The following FGD5 variants were observed in gnomAD, a reference collection of about 807,000 sequenced individuals.
The protein encoded by FGD5 is FYVE, RhoGEF and PH domain-containing protein 5.
A neutral mutation model predicts 133.4 loss-of-function variants in FGD5; 28 were observed. That is an observed-to-expected ratio of 0.21 (90% CI 0.16 to 0.29). The LOEUF (loss-of-function observed/expected upper bound fraction) is 0.29, where lower values mean the gene tolerates loss of function less well. FGD5 is among the 10% of genes least tolerant of loss of function. The pLI is 1.00. For synonymous variants in FGD5, 810 were observed against 776.5 expected (o/e 1.04, Z -0.72); for missense variants, 1,858 against 1,895.2 (o/e 0.98, Z 0.36).
At chr3:14,894,836 A>C (rs970627216) in intron 4 of FGD5, among the ~76,000 whole-genome samples, 1 of 152,084 alleles carries the variant, frequency 6.6e-6, no homozygotes, top group Non-Finnish European at 1.5e-5. Context: ...TCTCACTGAC[A>C]AGAGTTCCCC....
intron 2 of FGD5, among the ~76,000 whole-genome samples, chr3:14,867,958 T>C (rs1462938403): frequency 6.6e-6 from 1 of 151,730 alleles, no homozygotes; most frequent in Admixed American, 6.6e-5. Context: ...CCTTCCTGGA[T>C]GTTTTGGAGC....
At chr3:14,871,607 A>G (rs2037608062) in intron 2 of FGD5, among the ~76,000 whole-genome samples, 1 of 152,150 alleles carries the variant, frequency 6.6e-6, no homozygotes, top group African/African-American at 2.4e-5. Context: ...AGGCAGACAC[A>G]ACTCAGAGGG....
intron 4 of FGD5, among the ~76,000 whole-genome samples, chr3:14,890,713 G>T (rs982207903): frequency 5.3e-5 from 8 of 152,140 alleles, no homozygotes; most frequent in Admixed American, 3.3e-4. Flanking sequence ...CTGCCCATTG[G>T]GACTGAGTCG....
chr3:14,856,732 A>G (rs1413360466), intron 1 of FGD5, among the ~76,000 whole-genome samples: 1 of 151,980 alleles, frequency 6.6e-6, no homozygotes, highest in Non-Finnish European at 1.5e-5. Flanking sequence ...TTATATATTG[A>G]TTATGTATCC....
At chr3:14,903,317 A>C (rs1276810458) in intron 9 of FGD5, among the ~76,000 whole-genome samples, 3 of 152,164 alleles carry the variant, frequency 2.0e-5, no homozygotes, top group Non-Finnish European at 4.4e-5. Flanking sequence ...GAGAGTCCCC[A>C]TGTGTCCCCC....
intron 1 of FGD5, among the ~76,000 whole-genome samples, chr3:14,846,583 C>T (rs150132147): frequency 1.6e-4 from 24 of 152,358 alleles, no homozygotes; most frequent in Non-Finnish European, 3.1e-4. Flanking sequence ...ACCCCAGGTC[C>T]ACGGGGGAGT....
intron 1 of FGD5, 143 bp from the exon 2 acceptor site, chr3:14,863,985 C>A: frequency 8.4e-7 from 1 of 1,190,638 alleles, no homozygotes. Flanking sequence ...GCCAGTGTGG[C>A]TGGGGGTGGG....
At chr3:14,818,959 C>G, upstream of FGD5, 1 of 1,445,104 alleles carries the variant, frequency 6.9e-7, no homozygotes, top group Non-Finnish European at 9.1e-7. Flanking sequence ...CATCTAGATT[C>G]ACCAAAACCA....
chr3:14,844,204 T>TAAAAAAAAAA lies in FGD5; in HGVS notation c.2526-19919_2526-19910dup, dbSNP rs1168327274. On this transcript the variant is annotated intron_variant, in intron 1 of 19. Coordinates refer to ENST00000285046, the MANE Select transcript of FGD5 (RefSeq NM_152536.4). ...ACATTTCTCACATCTTAATAGGCAT[T>TAAAAAAAAAA]AAAAAAAAAAAAAATATATATATAT... 1.6e-3 allele frequency among the ~76,000 whole-genome samples: 27 copies of TAAAAAAAAAA among 17,210 alleles called. 4 individuals carry two copies. Among genetic ancestry groups the TAAAAAAAAAA allele is most frequent in the Non-Finnish European group, 2.2e-3 (21 of 9,660 alleles). The allele number at this position is 17,210 out of a possible 152,430, so 11.3% of individuals were successfully genotyped here.
chr3:14,848,136 G>A (rs2037086906), intron 1 of FGD5, among the ~76,000 whole-genome samples: 1 of 152,178 alleles, frequency 6.6e-6, no homozygotes, highest in Admixed American at 6.5e-5. Flanking sequence ...GGGTGGAGGA[G>A]GGGCAGCCAG....
At chr3:14,923,373 CAGA>C (rs1387869534) in intron 16 of FGD5, 198 bp downstream of exon 16, 1 of 707,652 alleles carries the variant, frequency 1.4e-6, no homozygotes, top group Non-Finnish European at 2.3e-6. Context: ...TCGGTGTCCC[CAGA>C]AGAAGAGCTC....
rs749939028 is a variant in FGD5 at position 14,923,088 on chromosome 3, T to A, written c.3850T>A (p.Tyr1284Asn). The A allele has an allele frequency of 1.9e-6, 3 of 1,613,734 alleles. No homozygotes were observed. The highest frequency in any genetic ancestry group is 2.5e-6 in the Non-Finnish European group (3 of 1,179,866). Residue 1284 changes from tyrosine (Y) to asparagine (N), a missense_variant, in exon 16 of 20, where the codon TAC becomes AAC. Physicochemically the swap from Tyr to Asn is moderately radical, Grantham distance 143. Coordinates refer to ENST00000285046, the MANE Select transcript of FGD5 (RefSeq NM_152536.4). ...NCSRNKYPLK[Y>N]LKDRMAKVCD... ...TTCGCGGAACAAGTACCCGCTGAAG[T>A]ACCTGAAGGACAGGATGGCCAAGGT...
chr3:14,882,342 A>G, intron 4 of FGD5: 2 of 985,216 alleles, frequency 2.0e-6, no homozygotes, highest in Non-Finnish European at 2.4e-6. Flanking sequence ...TTGGAAAGAC[A>G]TTGAAGCCCC....
chr3:14,812,799 G>A (rs924559447), intron 1 of FGD5, among the ~76,000 whole-genome samples: 1 of 152,190 alleles, frequency 6.6e-6, no homozygotes, highest in African/African-American at 2.4e-5. Flanking sequence ...AGATTAAATA[G>A]ACTAAAACAC....
intron 4 of FGD5, among the ~76,000 whole-genome samples, chr3:14,887,334 T>C (rs1229556857): frequency 2.0e-5 from 3 of 151,784 alleles, no homozygotes; most frequent in African/African-American, 4.8e-5. Context: ...AGTGAATGAG[T>C]GATGGTGGAG....
intron 1 of FGD5, among the ~76,000 whole-genome samples, chr3:14,829,980 C>T (rs749562989): frequency 6.6e-6 from 1 of 152,204 alleles, no homozygotes; most frequent in Non-Finnish European, 1.5e-5. Flanking sequence ...TGATTTACAG[C>T]CTCAGCTATC....
At chr3:14,815,696 C>T (rs556756623), upstream of FGD5, among the ~76,000 whole-genome samples, 24 of 152,288 alleles carry the variant, frequency 1.6e-4, no homozygotes, top group Admixed American at 1.4e-3. Context: ...TTCTGGTCAC[C>T]GTGGCCTTAG....
In FGD5 at chr3:14,819,353, C is replaced by G. The variant is rs765102954; in HGVS notation, c.282C>G (p.Ser94=). ...ACAAAGCCCTGGTGTCTCCCGAGTC[C>G]TCTGCGGAAGAGGAAGAGGAGCGTG... ...VGNKALVSPE[S]SAEEEEEREE... Residue 94 remains serine, a synonymous_variant, in exon 1 of 20, where the codon TCC becomes TCG. Coordinates refer to ENST00000285046, the MANE Select transcript of FGD5 (RefSeq NM_152536.4). This position sits in a 1 kb window ranked among gnomAD's most constrained non-coding sequence, Gnocchi z 4.1. 1.3e-6 allele frequency: 2 copies of G among 1,547,216 alleles called. No individual in the cohort carries two copies.
At chr3:14,908,608 C>T (rs894934542) in intron 10 of FGD5, among the ~76,000 whole-genome samples, 2 of 151,936 alleles carry the variant, frequency 1.3e-5, no homozygotes, top group Non-Finnish European at 2.9e-5. Context: ...TTTATGGGGC[C>T]GGGTGTGGTG....
Sources: gnomAD v4.1 joint callset for allele counts (sites outside exome capture counted in the v4.1 genomes callset) on GRCh38, gnomAD v4.1.1 for gene constraint, Gnocchi (gnomAD v3.1) non-coding constraint, MANE v1.5 for transcripts, NCBI Gene and HGNC (gene_info 2026-07-23, HGNC 2026-07-21) for gene names.